The following ZEB1 variants were observed in gnomAD, a reference collection of about 807,000 sequenced individuals.
ZEB1 encodes zinc finger E-box binding homeobox 1.
Under a neutral mutation model 84.9 loss-of-function variants are expected in ZEB1, and 21 were observed. The observed-to-expected ratio is 0.25, with a 90% CI of 0.18 to 0.36. The LOEUF (loss-of-function observed/expected upper bound fraction) is 0.36, where lower values mean the gene tolerates loss of function less well. Among genes scored for constraint, ZEB1 ranks in the 10% least tolerant of loss-of-function variants. ZEB1 has a pLI of 1.00. For missense variants in ZEB1, 1,104 were observed against 1,330.2 expected (o/e 0.83, Z 2.65); for synonymous variants, 420 against 471.1 (o/e 0.89, Z 1.41).
At chr10:31,444,002 T>C (rs1395168351) in intron 1 of ZEB1, among the ~76,000 whole-genome samples, 1 of 150,186 alleles carries the variant, frequency 6.7e-6, no homozygotes, top group African/African-American at 2.5e-5. Flanking sequence ...TCTTCCACAA[T>C]GGTTGAACTA....
rs746331467 is a variant in ZEB1 at position 31,499,221 on chromosome 10, T to C, written c.323-3127T>C. Among the ~76,000 whole-genome samples the C allele has an allele frequency of 1.7e-4, 26 of 152,196 alleles. No individual in the cohort carries two copies. The East Asian group carries it at 4.4e-3, about 26-fold the overall frequency. On this transcript the variant is annotated intron_variant, in intron 3 of 8. Coordinates refer to ENST00000424869, the MANE Select transcript of ZEB1 (RefSeq NM_001174096.2). The stretch of plus-strand genomic sequence containing the variant: ...ACCAGAAAGACTTTACCAATAGTTA[T>C]TTATCAAAGGACTAATGATACCTGT...
chr10:31,526,663 A>AT lies in ZEB1; in HGVS notation c.2786-5dup. 7 of 1,613,226 alleles carry AT rather than the reference A, an allele frequency of 4.3e-6. No individual in the cohort carries two copies. Among genetic ancestry groups the AT allele is most frequent in the Non-Finnish European group, 5.9e-6 (7 of 1,179,926 alleles). On this transcript the variant is annotated splice_polypyrimidine_tract_variant and intron_variant, in intron 8 of 8. Coordinates refer to ENST00000424869, the MANE Select transcript of ZEB1 (RefSeq NM_001174096.2). ...CACCATTTTATTTAACAGAATTCTT[A>AT]TTTTGCAGGTAAAAGACCTCATGAG...
In ZEB1 at chr10:31,521,934, C is replaced by A; in HGVS notation, c.2602C>A (p.Gln868Lys). 1 of 1,613,960 alleles carries A rather than the reference C, an allele frequency of 6.2e-7. No individual in the cohort carries two copies. Among genetic ancestry groups the A allele is most frequent in the South Asian group, 1.1e-5 (1 of 91,060 alleles). The change falls in exon 7 of 9, where the codon CAG (glutamine) becomes AAG (lysine). Residue 868 changes from glutamine to lysine, a missense_variant and splice_region_variant. Physicochemically the swap from Gln to Lys is moderately conservative, Grantham distance 53. Transcript: ENST00000424869. ...PLKVIQPNGN[Q>K]DERQDTSSEG... ...GAAAGTGATCCAGCCAAATGGAAAT[C>A]AGGTAAAAAATAACCTCCATCCTGA...
chr10:31,511,705 G>T (rs1166616689), intron 5 of ZEB1, among the ~76,000 whole-genome samples: 1 of 152,130 alleles, frequency 6.6e-6, no homozygotes, highest in Non-Finnish European at 1.5e-5. Flanking sequence ...TTACATCAAA[G>T]AATGATGTAT....
intron 3 of ZEB1, among the ~76,000 whole-genome samples, chr10:31,499,174 T>C (rs908863422): frequency 4.6e-5 from 7 of 152,176 alleles, no homozygotes; most frequent in Middle Eastern, 6.3e-3. Context: ...AATCATCTAT[T>C]CCCTCATTTT....
chr10:31,454,838 G>A (rs571326844), intron 1 of ZEB1, among the ~76,000 whole-genome samples: 31 of 152,170 alleles, frequency 2.0e-4, no homozygotes, highest in East Asian at 7.7e-4. Context: ...CCATACTGCC[G>A]AAAGTAATTT....
chr10:31,452,396 T>C (rs1267349097), intron 1 of ZEB1, among the ~76,000 whole-genome samples: 8 of 152,080 alleles, frequency 5.3e-5, no homozygotes, highest in Middle Eastern at 3.2e-3. Context: ...TAACAAAAAT[T>C]TACAGTAAAT....
chr10:31,383,124 A>G (rs1358033266), intron 1 of ZEB1, among the ~76,000 whole-genome samples: 2 of 151,954 alleles, frequency 1.3e-5, no homozygotes, highest in Non-Finnish European at 2.9e-5. Flanking sequence ...CAGCTTAAAA[A>G]CTAATTATAG....
intron 1 of ZEB1, among the ~76,000 whole-genome samples, chr10:31,386,219 C>A (rs894518741): frequency 1.3e-5 from 2 of 151,734 alleles, no homozygotes; most frequent in Non-Finnish European, 2.9e-5. Context: ...TTAAAATACT[C>A]TGCATGATTT....
intron 1 of ZEB1, among the ~76,000 whole-genome samples, chr10:31,361,765 G>C (rs181370286): frequency 2.8e-4 from 42 of 151,512 alleles, no homozygotes; most frequent in African/African-American, 1.0e-3. Flanking sequence ...CGGTGAGGAG[G>C]CCAGGCAGAG....
intron 3 of ZEB1, among the ~76,000 whole-genome samples, chr10:31,500,983 G>A (rs1591905767): frequency 6.6e-6 from 1 of 152,202 alleles, no homozygotes; most frequent in African/African-American, 2.4e-5. Context: ...ATCACCATTT[G>A]TTACTGTCAT....
intron 1 of ZEB1, among the ~76,000 whole-genome samples, chr10:31,438,823 G>A (rs988752179): frequency 5.9e-5 from 9 of 152,208 alleles, no homozygotes; most frequent in Non-Finnish European, 1.3e-4. Context: ...CAGCCTGGGT[G>A]ACAGAGTGAG....
At position 31,514,693 on chromosome 10, in the gene ZEB1, T is replaced by C. The variant is rs1258393845; in HGVS notation, c.778T>C (p.Leu260=). ...FKYKHHLKEH[L]RIHSGEKPYE... Reference sequence around the variant, plus strand: ...ATACAAACATCACCTAAAAGAGCACTTAAGAATTCACAGTGGTAAATATTT... The same window carrying C: ...ATACAAACATCACCTAAAAGAGCACCTAAGAATTCACAGTGGTAAATATTT... The change falls in exon 6 of 9, where the codon TTA becomes CTA. Residue 260 remains leucine, a synonymous_variant. Coordinates refer to ENST00000424869, the MANE Select transcript of ZEB1 (RefSeq NM_001174096.2). 6.2e-7 allele frequency: 1 copy of C among 1,612,268 alleles called. No individual in the cohort carries two copies. Among genetic ancestry groups the C allele is most frequent in the South Asian group, 1.1e-5 (1 of 91,008 alleles).
intron 1 of ZEB1, among the ~76,000 whole-genome samples, chr10:31,342,957 A>G (rs141908946): frequency 1.6e-3 from 247 of 152,242 alleles, no homozygotes; most frequent in Middle Eastern, 0.014. Context: ...AGTAGAACAA[A>G]ATTTTTGTTT....
In ZEB1 at chr10:31,392,331, T is replaced by C. The variant is rs191382031; in HGVS notation, c.59-68706T>C. Reference sequence around the variant, plus strand: ...CAAGAAAATAGGTGAATAATGTTATTTTTATATTTCCAGAATATTAAAAAA... The same window carrying C: ...CAAGAAAATAGGTGAATAATGTTATCTTTATATTTCCAGAATATTAAAAAA... On this transcript the variant is annotated intron_variant, in intron 1 of 8. Transcript: ENST00000424869. Among the ~76,000 whole-genome samples, 134 of 152,320 alleles carry C rather than the reference T, an allele frequency of 8.8e-4. 1 individual carries two copies. The highest frequency in any genetic ancestry group is 3.1e-3 in the African/African-American group (128 of 41,576).
In ZEB1 at chr10:31,319,225, C is replaced by T. The variant is rs2032963163; in HGVS notation, c.-10C>T. 4 of 1,605,446 alleles carry T rather than the reference C, an allele frequency of 2.5e-6. No individual in the cohort carries two copies. Among genetic ancestry groups the T allele is most frequent in the Non-Finnish European group, 3.4e-6 (4 of 1,177,050 alleles). ...GGTGACTCGAGCATTTAGACACAAG[C>T]GAGAGGATCATGGCGGATGGCCCCA... On this transcript the variant is annotated 5_prime_UTR_variant, in exon 1 of 9. Transcript: ENST00000424869.
At chr10:31,448,697 TG>T (rs2060120610) in intron 1 of ZEB1, among the ~76,000 whole-genome samples, 2 of 152,102 alleles carry the variant, frequency 1.3e-5, no homozygotes, top group African/African-American at 4.8e-5. Context: ...GTGCCCCTGC[TG>T]GGGGGTGCCT....
Position 31,521,776 on chromosome 10 carries a change from T to C in ZEB1, c.2444T>C (p.Ile815Thr), listed in dbSNP as rs893839945. Reference protein sequence around the residue: ...IPTVTAQLPTIVAIADQNSVP... With the variant: ...IPTVTAQLPTTVAIADQNSVP... ...ACAGTCACTGCCCAGTTACCCACAATCGTGGCCATTGCTGACCAGAACAGT... is the reference window on the plus strand; with the variant it reads ...ACAGTCACTGCCCAGTTACCCACAACCGTGGCCATTGCTGACCAGAACAGT... The change falls in exon 7 of 9, where the codon ATC becomes ACC. Residue 815 changes from isoleucine (I) to threonine (T), a missense_variant. Ile to Thr is a moderately conservative substitution (Grantham distance 89, BLOSUM62 -1). This residue lies in a region of ZEB1 where 531 missense variants were observed against 575.2 expected (regional missense o/e 0.92). Coordinates refer to ENST00000424869, the MANE Select transcript of ZEB1 (RefSeq NM_001174096.2). 1.9e-6 allele frequency: 3 copies of C among 1,614,038 alleles called. No homozygotes were observed. The highest frequency in any genetic ancestry group is 2.5e-6 in the Non-Finnish European group (3 of 1,179,986).
intron 4 of ZEB1, among the ~76,000 whole-genome samples, chr10:31,507,639 T>C (rs2069215722): frequency 6.6e-6 from 1 of 152,042 alleles, no homozygotes; most frequent in African/African-American, 2.4e-5. Flanking sequence ...TCTTTTGTCT[T>C]TCATTCGGTG....
Sources: allele counts gnomAD v4.1 joint callset (sites outside exome capture counted in the v4.1 genomes callset), GRCh38; gene constraint gnomAD v4.1.1; regional missense constraint gnomAD v4.1.1; transcripts MANE v1.5; gene names NCBI Gene and HGNC (gene_info 2026-07-23, HGNC 2026-07-21).